Variants in D2HGDH observed in about 807,000 individuals in gnomAD.
The protein encoded by D2HGDH is D-2-hydroxyglutarate dehydrogenase, mitochondrial.
A neutral mutation model predicts 46.9 loss-of-function variants in D2HGDH; 31 were observed. The observed-to-expected ratio is 0.66, with a 90% CI of 0.50 to 0.89. The LOEUF is 0.89. Ranked by LOEUF, D2HGDH falls within the 40% of genes least tolerant of loss-of-function variation. The pLI is 0.00. For missense variants in D2HGDH, 698 were observed against 720.8 expected (o/e 0.97, Z 0.36); for synonymous variants, 364 against 332.6 (o/e 1.09, Z -1.03).
In D2HGDH at chr2:241,767,737, C is replaced by A; in HGVS notation, c.1334C>A (p.Thr445Lys). 10 of 1,612,880 alleles carry A rather than the reference C, an allele frequency of 6.2e-6. No individual in the cohort carries two copies. Among genetic ancestry groups the A allele is most frequent in the Non-Finnish European group, 8.5e-6 (10 of 1,179,586 alleles). ...LGDGNLHLNV[T>K]AEAFSPSLLA... ...GATGGTAACCTGCACCTCAATGTGA[C>A]GGCGGAGGCCTTCAGCCCCTCGCTC... is the stretch of plus-strand genomic sequence containing the variant. Residue 445 changes from threonine (T) to lysine (K), a missense_variant, in exon 10 of 10, where the codon ACG (threonine) becomes AAG (lysine). By Grantham distance (78) the Thr-to-Lys change is moderately conservative (BLOSUM62 -1). Coordinates refer to ENST00000321264, the MANE Select transcript of D2HGDH (RefSeq NM_152783.5).
Position 241,743,528 on chromosome 2 carries a change from G to A in D2HGDH, c.491-94G>A. On this transcript the variant is annotated intron_variant, in intron 4 of 9. Transcript: ENST00000321264. This position sits in a 1 kb window ranked among gnomAD's most constrained non-coding sequence, Gnocchi z 4.8. ...TGGCGCTGAGGCTGATGTTCCTTCT[G>A]GGTGGCTTGCCTGTGCAAGATGGGG... 7.1e-7 allele frequency: 1 copy of A among 1,415,232 alleles called. No homozygotes were observed. The highest frequency in any genetic ancestry group is 1.4e-5 in the African/African-American group (1 of 71,004). The allele number at this position is 1,415,232 out of a possible 1,614,324, so 87.7% of individuals were successfully genotyped here.
chr2:241,748,762 C>A (rs1696533545), intron 6 of D2HGDH: 2 of 1,074,674 alleles, frequency 1.9e-6, no homozygotes, highest in Non-Finnish European at 2.3e-6. Flanking sequence ...GCAGCCTTGA[C>A]TGCTTCTGCC....
intron 8 of D2HGDH, chr2:241,755,420 C>T (rs1268712279): frequency 7.6e-7 from 1 of 1,307,796 alleles, no homozygotes; most frequent in Admixed American, 2.3e-5. Context: ...CCATTCTCAT[C>T]CTCAGGGCCT....
Position 241,751,316 on chromosome 2 carries a change from C to T in D2HGDH, c.1068C>T (p.His356=). 1 of 1,613,942 alleles carries T rather than the reference C, an allele frequency of 6.2e-7. No individual in the cohort carries two copies. The highest frequency in any genetic ancestry group is 1.3e-5 in the African/African-American group (1 of 75,056). ...GCCATGACGCTGAGAAGCTGGGCCA[C>T]TTCCTGGAGCACGCGCTGGGCTCCG... ...NAGHDAEKLG[H]FLEHALGSGL... is the part of the protein sequence containing the mutation. The change falls in exon 8 of 10, where the codon CAC becomes CAT. Residue 356 remains histidine (H), a synonymous_variant. Coordinates refer to ENST00000321264, the MANE Select transcript of D2HGDH (RefSeq NM_152783.5).
At chr2:241,755,550 C>A in intron 8 of D2HGDH, 1 of 1,411,956 alleles carries the variant, frequency 7.1e-7, no homozygotes, top group Non-Finnish European at 9.4e-7. Context: ...TGCCGGAGTC[C>A]CAGGGTGCTC....
intron 6 of D2HGDH, 151 bp downstream of exon 6, chr2:241,745,028 A>T (rs889077740): frequency 3.9e-5 from 43 of 1,091,896 alleles, no homozygotes; most frequent in Non-Finnish European, 5.5e-5. Flanking sequence ...CTTCCAAAGG[A>T]ATCAGGAATC....
chr2:241,756,141 G>C, intron 9 of D2HGDH, 127 bp downstream of exon 9: 1 of 1,328,682 alleles, frequency 7.5e-7, no homozygotes, highest in East Asian at 2.5e-5. Flanking sequence ...ATCTCCCGTA[G>C]ACACTGGCAG....
At position 241,767,780 on chromosome 2, in the gene D2HGDH, C is replaced by A. The variant is rs143940595; in HGVS notation, c.1377C>A (p.Pro459=). 0.015 allele frequency: 23,515 copies of A among 1,612,484 alleles called. 224 individuals carry two copies. Among genetic ancestry groups the A allele is most frequent in the Non-Finnish European group, 0.016 (19,282 of 1,179,586 alleles). The change falls in exon 10 of 10, where the codon CCC becomes CCA. Residue 459 remains proline (P), a synonymous_variant. Coordinates refer to ENST00000321264, the MANE Select transcript of D2HGDH (RefSeq NM_152783.5). ...CCTCGCTCCTGGCTGCCCTGGAGCC[C>A]CACGTGTACGAGTGGACGGCCGGGC... ...FSPSLLAALE[P]HVYEWTAGQQ... is the part of the protein sequence containing the mutation.
intron 8 of D2HGDH, 188 bp from the exon 9 acceptor site, chr2:241,755,661 C>T: frequency 6.5e-7 from 1 of 1,543,132 alleles, no homozygotes; most frequent in South Asian, 1.2e-5. Context: ...CAGAGCCCCT[C>T]CTGGTCTGGG....
intron 8 of D2HGDH, among the ~76,000 whole-genome samples, chr2:241,752,337 G>A (rs1697394986): frequency 6.6e-6 from 1 of 152,118 alleles, no homozygotes; most frequent in Admixed American, 6.5e-5. Flanking sequence ...TGGCAGCTGT[G>A]TGGTGCCATC....
At chr2:241,749,388 T>G in intron 6 of D2HGDH, 1 of 1,271,090 alleles carries the variant, frequency 7.9e-7, no homozygotes, top group Non-Finnish European at 1.0e-6. Context: ...CCTCCCTGTC[T>G]CGCCCTGAAA....
chr2:241,756,889 G>A (rs548885705), intron 9 of D2HGDH, among the ~76,000 whole-genome samples: 1 of 152,130 alleles, frequency 6.6e-6, no homozygotes, highest in Admixed American at 6.6e-5. Flanking sequence ...GGGCAGGGGT[G>A]GGGGCAGTGC....
Position 241,768,080 on chromosome 2 carries a change from C to A in D2HGDH, c.*111C>A. On this transcript the variant is annotated 3_prime_UTR_variant, in exon 10 of 10. Coordinates refer to ENST00000321264, the MANE Select transcript of D2HGDH (RefSeq NM_152783.5). ...CCGGCAGTGGGCAGGGGACCAGGCA[C>A]CTGGTTGAAGGGACTGGGAGCCCGC... 7.0e-7 allele frequency: 1 copy of A among 1,435,788 alleles called. No individual in the cohort carries two copies. The highest frequency in any genetic ancestry group is 9.2e-7 in the Non-Finnish European group (1 of 1,082,894). 88.9% of individuals were successfully genotyped at this position (1,435,788 alleles called of 1,614,324 possible). A position where few individuals can be genotyped will look rare whatever the true frequency, so the allele number is the denominator to read the frequency against.
chr2:241,745,269 TGGG>T (rs966951414), intron 6 of D2HGDH, among the ~76,000 whole-genome samples: 1 of 152,172 alleles, frequency 6.6e-6, no homozygotes, highest in Non-Finnish European at 1.5e-5. Context: ...CCTCCTGTAA[TGGG>T]GGGCTTCCCC....
At chr2:241,758,769 A>ATATGTG (rs1315576359) in intron 9 of D2HGDH, among the ~76,000 whole-genome samples, 2 of 131,896 alleles carry the variant, frequency 1.5e-5, no homozygotes, top group Admixed American at 7.9e-5. Context: ...CCCACAATAT[A>ATATGTG]TGTGTGTGTG....
chr2:241,742,481 A>C lies in D2HGDH; in HGVS notation c.397A>C (p.Thr133Pro). 1 of 1,613,988 alleles carries C rather than the reference A, an allele frequency of 6.2e-7. No homozygotes were observed. Among genetic ancestry groups the C allele is most frequent in the Non-Finnish European group, 8.5e-7 (1 of 1,179,982 alleles). ...GGCCGTGAACCCACAGGGGGGCAAC[A>C]CAGGCATGGTGGGTGGCAGCGTCCC... ...NLAVNPQGGN[T>P]GMVGGSVPVF... Residue 133 changes from threonine (T) to proline (P), a missense_variant, in exon 4 of 10, where the codon ACA becomes CCA. Thr to Pro is a conservative substitution (Grantham distance 38). Coordinates refer to ENST00000321264, the MANE Select transcript of D2HGDH (RefSeq NM_152783.5). The surrounding 1 kb of genome is among the most constrained non-coding windows in gnomAD (Gnocchi z 4.8).
At position 241,768,081 on chromosome 2, in the gene D2HGDH, C is replaced by G. The variant is rs1699301915; in HGVS notation, c.*112C>G. 2.1e-6 allele frequency: 3 copies of G among 1,427,140 alleles called. No individual in the cohort carries two copies. The allele number at this position is 1,427,140 out of a possible 1,614,324, so 88.4% of individuals were successfully genotyped here. ...CGGCAGTGGGCAGGGGACCAGGCACCTGGTTGAAGGGACTGGGAGCCCGCA... is the reference window on the plus strand; with the variant it reads ...CGGCAGTGGGCAGGGGACCAGGCACGTGGTTGAAGGGACTGGGAGCCCGCA... On this transcript the variant is annotated 3_prime_UTR_variant, in exon 10 of 10. Coordinates refer to ENST00000321264, the MANE Select transcript of D2HGDH (RefSeq NM_152783.5).
At chr2:241,736,264 T>G (rs1692790377) in intron 2 of D2HGDH, 1 of 152,274 alleles carries the variant, frequency 6.6e-6, no homozygotes. Context: ...GCCCAGGAGT[T>G]CCAGTTTTAG....
intron 8 of D2HGDH, among the ~76,000 whole-genome samples, chr2:241,753,191 G>A (rs1016756318): frequency 6.6e-6 from 1 of 152,194 alleles, no homozygotes; most frequent in Non-Finnish European, 1.5e-5. Context: ...AGGTAATCTG[G>A]CCTTTGTTTT....
Sources: gnomAD v4.1 joint callset for allele counts (sites outside exome capture counted in the v4.1 genomes callset) on GRCh38, gnomAD v4.1.1 for gene constraint, Gnocchi (gnomAD v3.1) non-coding constraint, MANE v1.5 for transcripts, NCBI Gene and HGNC (gene_info 2026-07-23, HGNC 2026-07-21) for gene names.